Variants in GALNT2 observed in about 807,000 individuals in gnomAD.
GALNT2 encodes polypeptide N-acetylgalactosaminyltransferase 2, also known as UDP-GalNAc:polypeptide N-acetylgalactosaminyltransferase 2.
GALNT2 carries 31 observed loss-of-function variants against 81.4 expected under a neutral mutation model. The observed-to-expected ratio is 0.38, with a 90% CI of 0.29 to 0.51. The LOEUF is 0.51. GALNT2 is among the 20% of genes least tolerant of loss of function. GALNT2 has a pLI of 0.87. For missense variants in GALNT2, 629 were observed against 765.7 expected (o/e 0.82, Z 2.11); for synonymous variants, 303 against 287.4 (o/e 1.05, Z -0.55).
chr1:230,084,674 G>A (rs1659847758), intron 1 of GALNT2, among the ~76,000 whole-genome samples: 1 of 152,124 alleles, frequency 6.6e-6, no homozygotes, highest in Non-Finnish European at 1.5e-5. Context: ...ACAGGTTCAA[G>A]GCATCCCTGG....
At chr1:230,199,739 C>T (rs1485028583) in intron 2 of GALNT2, among the ~76,000 whole-genome samples, 2 of 152,224 alleles carry the variant, frequency 1.3e-5, no homozygotes, top group Non-Finnish European at 2.9e-5. Flanking sequence ...TGCCACAAGA[C>T]AAGGCAGGGC....
At chr1:230,073,233 T>A (rs1287409162) in intron 1 of GALNT2, among the ~76,000 whole-genome samples, 1 of 152,226 alleles carries the variant, frequency 6.6e-6, no homozygotes, top group African/African-American at 2.4e-5. Flanking sequence ...CTTAACAGTG[T>A]GAAGATTCCT....
intron 1 of GALNT2, among the ~76,000 whole-genome samples, chr1:230,114,432 A>G (rs913663869): frequency 6.6e-6 from 1 of 152,218 alleles, no homozygotes; most frequent in Non-Finnish European, 1.5e-5. Flanking sequence ...TGAGGTTTGT[A>G]AATGGGCAGA....
At chr1:230,261,524 C>T (rs1323544643) in intron 11 of GALNT2, among the ~76,000 whole-genome samples, 1 of 152,170 alleles carries the variant, frequency 6.6e-6, no homozygotes, top group Admixed American at 6.5e-5. Flanking sequence ...AATATGGGAG[C>T]AAAGAGGTTA....
intron 2 of GALNT2, among the ~76,000 whole-genome samples, chr1:230,181,427 T>C (rs1347479116): frequency 6.6e-6 from 1 of 152,266 alleles, no homozygotes; most frequent in East Asian, 1.9e-4. Context: ...CACTGTTGCA[T>C]AACTGGCATA....
intron 2 of GALNT2, among the ~76,000 whole-genome samples, chr1:230,197,782 G>A (rs1273525567): frequency 6.6e-6 from 1 of 152,078 alleles, no homozygotes; most frequent in Non-Finnish European, 1.5e-5. Context: ...GCGTACATGC[G>A]TGCGTGTGTG....
At chr1:230,184,929 T>G (rs72649522) in intron 2 of GALNT2, among the ~76,000 whole-genome samples, 1 of 152,360 alleles carries the variant, frequency 6.6e-6, no homozygotes, top group African/African-American at 2.4e-5. Context: ...TTTTTTCATC[T>G]TTTTTGTCTT....
At chr1:230,060,004 G>A (rs989800172) in intron 1 of GALNT2, among the ~76,000 whole-genome samples, 6 of 152,088 alleles carry the variant, frequency 3.9e-5, no homozygotes, top group Admixed American at 6.5e-5. Context: ...GCTATAGTCC[G>A]TAGTCCTGTT....
intron 1 of GALNT2, among the ~76,000 whole-genome samples, chr1:230,081,383 A>G (rs1256511686): frequency 6.6e-6 from 1 of 152,146 alleles, no homozygotes; most frequent in East Asian, 1.9e-4. Flanking sequence ...TGTCTTTGAA[A>G]AATTATACCG....
In GALNT2 at chr1:230,262,799, A is replaced by G. The variant is rs1189512235; in HGVS notation, c.1230-123A>G. ...GGGAAGGGGTTGTGGGCACAGGAGC[A>G]TGGGCAGTCCACACCACACCACCTG... On this transcript the variant is annotated intron_variant, in intron 12 of 15. Transcript: ENST00000366672. The G allele has an allele frequency of 7.8e-6, 10 of 1,284,686 alleles. No individual in the cohort carries two copies. The East Asian group carries it at 2.1e-4, about 27-fold the overall frequency. The allele number at this position is 1,284,686 out of a possible 1,614,324, so 79.6% of individuals were successfully genotyped here. A position where few individuals can be genotyped will look rare whatever the true frequency, so the allele number is the denominator to read the frequency against.
At chr1:230,076,184 C>T (rs1659548920) in intron 1 of GALNT2, among the ~76,000 whole-genome samples, 1 of 152,212 alleles carries the variant, frequency 6.6e-6, no homozygotes, top group Non-Finnish European at 1.5e-5. Flanking sequence ...TTAATTTAGA[C>T]TGCTCCAGCA....
chr1:230,139,153 T>A (rs1239234166), intron 1 of GALNT2, among the ~76,000 whole-genome samples: 1 of 152,208 alleles, frequency 6.6e-6, no homozygotes, highest in Non-Finnish European at 1.5e-5. Context: ...TGTTGACCAT[T>A]GACAGCCACT....
At chr1:230,250,329 C>T in intron 9 of GALNT2, 128 bp from the exon 10 acceptor site, 3 of 705,792 alleles carry the variant, frequency 4.3e-6, no homozygotes, top group Non-Finnish European at 7.7e-6. Flanking sequence ...AAAACAGTGG[C>T]AGTGTGGCTG....
At chr1:230,154,596 A>G (rs1028865562) in intron 1 of GALNT2, among the ~76,000 whole-genome samples, 2 of 152,190 alleles carry the variant, frequency 1.3e-5, no homozygotes, top group African/African-American at 4.8e-5. Context: ...GGTCGTCAGC[A>G]TGGGCTCTAG....
intron 1 of GALNT2, among the ~76,000 whole-genome samples, chr1:230,112,130 G>T (rs1366751909): frequency 6.6e-6 from 1 of 152,190 alleles, no homozygotes; most frequent in Middle Eastern, 3.2e-3. Flanking sequence ...GCCACAGCTG[G>T]ATCTCAGCTC....
At chr1:230,236,752 A>T in intron 6 of GALNT2, 27 bp downstream of exon 6, 1 of 1,593,706 alleles carries the variant, frequency 6.3e-7, no homozygotes, top group Non-Finnish European at 8.5e-7. Context: ...TTCAGCGCCA[A>T]GACAGTTGAA....
intron 1 of GALNT2, among the ~76,000 whole-genome samples, chr1:230,106,222 A>G (rs1482204680): frequency 6.6e-6 from 1 of 152,216 alleles, no homozygotes; most frequent in Non-Finnish European, 1.5e-5. Flanking sequence ...ATCTCTGAGC[A>G]GCAAGTTGAT....
At position 230,259,719 on chromosome 1, in the gene GALNT2, AGGACAAGCT is replaced by A. The variant is rs561947824; in HGVS notation, c.1137-2850_1137-2842del. 361 of 152,350 alleles carry A rather than the reference AGGACAAGCT, an allele frequency of 2.4e-3. 2 individuals are homozygous for A. Among genetic ancestry groups the A allele is most frequent in the African/African-American group, 8.3e-3 (346 of 41,576 alleles). 9.4% of individuals were successfully genotyped at this position (152,350 alleles called of 1,614,324 possible). A position where few individuals can be genotyped will look rare whatever the true frequency, so the allele number is the denominator to read the frequency against. The stretch of plus-strand genomic sequence containing the variant: ...TCTGCTTCTGCATGGATGGGTCCAC[AGGACAAGCT>A]GGAGATCTGGATGGAGTCATCAGAA... On this transcript the variant is annotated intron_variant, in intron 11 of 15. Coordinates refer to ENST00000366672, the MANE Select transcript of GALNT2 (RefSeq NM_004481.5).
At chr1:230,147,966 A>G (rs887652875) in intron 1 of GALNT2, among the ~76,000 whole-genome samples, 1 of 152,200 alleles carries the variant, frequency 6.6e-6, no homozygotes, top group African/African-American at 2.4e-5. Flanking sequence ...CTGTCCCCAG[A>G]CACTGTCCCT....
Sources: gnomAD v4.1 joint callset for allele counts (sites outside exome capture counted in the v4.1 genomes callset) on GRCh38, gnomAD v4.1.1 for gene constraint, MANE v1.5 for transcripts, NCBI Gene and HGNC (gene_info 2026-07-23, HGNC 2026-07-21) for gene names.